CACNA1B: variants seen among roughly 807,000 people sequenced by gnomAD.
CACNA1B encodes calcium voltage-gated channel subunit alpha1 B.
Under a neutral mutation model 247.2 loss-of-function variants are expected in CACNA1B, and 70 were observed. That is an observed-to-expected ratio of 0.28 (90% CI 0.23 to 0.35). CACNA1B has a LOEUF of 0.35. Ranked by LOEUF, CACNA1B falls within the 10% of genes least tolerant of loss-of-function variation. The pLI, the probability that CACNA1B is intolerant of heterozygous loss-of-function variation, is 1.00. For synonymous variants in CACNA1B, 1,231 were observed against 1,294.4 expected, an observed-to-expected ratio of 0.95 and a Z score of 1.05; for missense variants, 2,367 against 3,197.4, an observed-to-expected ratio of 0.74 and a Z score of 6.26.
chr9:137,971,014 A>G lies in CACNA1B; in HGVS notation c.1334-369A>G, dbSNP rs1958140072. 6.6e-6 allele frequency among the ~76,000 whole-genome samples: 1 copy of G among 152,112 alleles called. No individual in the cohort carries two copies. The highest frequency in any genetic ancestry group is 2.4e-5 in the African/African-American group (1 of 41,410). On this transcript the variant is annotated intron_variant, in intron 10 of 46. Coordinates refer to ENST00000371372, the MANE Select transcript of CACNA1B (RefSeq NM_000718.4). This position sits in a 1 kb window ranked among gnomAD's most constrained non-coding sequence, Gnocchi z 4.4. ...CTGTGGGCTATGCTGAAGAGATGGG[A>G]TCTGGGGAGGGACTAACTCAGATTT...
chr9:138,085,172 G>A (rs1047423705), intron 36 of CACNA1B, among the ~76,000 whole-genome samples: 8 of 150,476 alleles, frequency 5.3e-5, no homozygotes, highest in Non-Finnish European at 1.0e-4. Flanking sequence ...CAAAGAGATA[G>A]GAATCATAAA....
At chr9:137,982,517 G>T (rs1958306253) in intron 12 of CACNA1B, among the ~76,000 whole-genome samples, 1 of 152,218 alleles carries the variant, frequency 6.6e-6, no homozygotes, top group Non-Finnish European at 1.5e-5. Flanking sequence ...TCCTTAAGGG[G>T]ATAGCATTAT....
At chr9:137,966,675 A>G (rs1958080515) in intron 10 of CACNA1B, among the ~76,000 whole-genome samples, 1 of 151,862 alleles carries the variant, frequency 6.6e-6, no homozygotes, top group Non-Finnish European at 1.5e-5. Context: ...AGTAGCTGGG[A>G]CTACAGGCAC....
chr9:138,058,596 G>A lies in CACNA1B; in HGVS notation c.4336G>A (p.Ala1446Thr), dbSNP rs200865012. The change falls in exon 29 of 47, where the codon GCC (alanine) becomes ACC (threonine). Residue 1446 changes from alanine (A) to threonine (T), a missense_variant. This residue lies in a region of CACNA1B where 436 missense variants were observed against 679.5 expected (regional missense o/e 0.64). Transcript: ENST00000371372. This position sits in a 1 kb window ranked among gnomAD's most constrained non-coding sequence, Gnocchi z 4.7. The part of the protein sequence containing the change: ...ERACIDFAIS[A>T]KPLTRYMPQN... ...GGCTTGCATTGACTTCGCCATCAGC[G>A]CCAAACCCCTGACACGGTACATGCC... 10 of 1,612,800 alleles carry A rather than the reference G, an allele frequency of 6.2e-6. No homozygotes were observed. Among genetic ancestry groups the A allele is most frequent in the Admixed American group, 1.7e-5 (1 of 59,586 alleles).
At position 138,105,681 on chromosome 9, in the gene CACNA1B, G is replaced by A. The variant is rs371663012; in HGVS notation, c.5320-18G>A. 4.0e-5 allele frequency: 58 copies of A among 1,439,460 alleles called. No homozygotes were observed. In the African/African-American group the frequency reaches 5.1e-4, roughly 13 times the overall value. 89.2% of individuals were successfully genotyped at this position (1,439,460 alleles called of 1,614,324 possible). ...GACCCCAGCAGGCCTGGCCCTGACCGGCCCTGCTTGTCCCTAGCGCCTGGT... is the reference window on the plus strand; with the variant it reads ...GACCCCAGCAGGCCTGGCCCTGACCAGCCCTGCTTGTCCCTAGCGCCTGGT... On this transcript the variant is annotated intron_variant, in intron 38 of 46. Transcript: ENST00000371372.
chr9:137,912,572 AT>A (rs1200067657), intron 3 of CACNA1B, among the ~76,000 whole-genome samples: 1 of 152,198 alleles, frequency 6.6e-6, no homozygotes, highest in Admixed American at 6.5e-5. Context: ...GAAGGCAGAT[AT>A]GGGATCTTTA....
intron 20 of CACNA1B, among the ~76,000 whole-genome samples, chr9:138,041,185 C>A (rs1478527987): frequency 6.6e-6 from 1 of 152,270 alleles, no homozygotes; most frequent in African/African-American, 2.4e-5. Context: ...TACTTTAGCC[C>A]CGCTTTGGGG....
intron 10 of CACNA1B, among the ~76,000 whole-genome samples, chr9:137,969,228 C>A (rs1055964324): frequency 1.3e-5 from 2 of 152,240 alleles, no homozygotes; most frequent in African/African-American, 4.8e-5. Context: ...CTTGCTCAGT[C>A]CCCTGGCTCT....
rs1962175114 is a variant in CACNA1B at position 138,123,621 on chromosome 9, G to C, written c.*1622G>C. ...CACAGGAGATGCAGTGCCTGTACAG[G>C]TGTGTTCAGTGTGTGGATGTCATTA... On this transcript the variant is annotated 3_prime_UTR_variant, in exon 47 of 47. Transcript: ENST00000371372. The C allele has an allele frequency of 6.6e-6, 1 of 152,052 alleles. No homozygotes were observed. Among genetic ancestry groups the C allele is most frequent in the Admixed American group, 6.6e-5 (1 of 15,250 alleles). The allele number at this position is 152,052 out of a possible 1,614,324, so 9.4% of individuals were successfully genotyped here.
At chr9:137,939,707 G>GA (rs1957709298) in intron 6 of CACNA1B, among the ~76,000 whole-genome samples, 3 of 151,940 alleles carry the variant, frequency 2.0e-5, no homozygotes, top group African/African-American at 7.3e-5. Context: ...GGAGGCTGAG[G>GA]AAGGAGAATG....
At chr9:138,005,311 A>G (rs555271994) in intron 15 of CACNA1B, among the ~76,000 whole-genome samples, 8 of 152,384 alleles carry the variant, frequency 5.2e-5, no homozygotes, top group East Asian at 1.9e-4. Flanking sequence ...TGTCATTTGC[A>G]GCAACATGGA....
At chr9:137,915,507 G>C (rs1267194754) in intron 5 of CACNA1B, among the ~76,000 whole-genome samples, 2 of 152,096 alleles carry the variant, frequency 1.3e-5, no homozygotes, top group East Asian at 3.8e-4. Flanking sequence ...TGAAGCTAAG[G>C]TTTGTGGCTT....
intron 36 of CACNA1B, among the ~76,000 whole-genome samples, chr9:138,080,360 A>T (rs768501533): frequency 6.6e-6 from 1 of 152,180 alleles, no homozygotes; most frequent in Non-Finnish European, 1.5e-5. Flanking sequence ...AAAGTAGGCG[A>T]TGTGAGCAGA....
chr9:138,044,305 A>G (rs1002720232), intron 21 of CACNA1B, among the ~76,000 whole-genome samples: 1 of 152,160 alleles, frequency 6.6e-6, no homozygotes, highest in Non-Finnish European at 1.5e-5. Context: ...TGTGCTTTTC[A>G]TGCATTCATC....
At chr9:137,907,117 TGTGA>T (rs1957308370) in intron 3 of CACNA1B, among the ~76,000 whole-genome samples, 1 of 152,220 alleles carries the variant, frequency 6.6e-6, no homozygotes, top group Non-Finnish European at 1.5e-5. Context: ...TGATGTAGCG[TGTGA>T]GTGTGTCTGT....
At position 138,076,976 on chromosome 9, in the gene CACNA1B, G is replaced by A. The variant is rs539833227; in HGVS notation, c.4949+1066G>A. On this transcript the variant is annotated intron_variant, in intron 35 of 46. Coordinates refer to ENST00000371372, the MANE Select transcript of CACNA1B (RefSeq NM_000718.4). ...TGTTTGGCTGGGCTTTAGCTGCTGC[G>A]TTAATTTTATCTCATCATTTATTAC... 2.6e-5 allele frequency among the ~76,000 whole-genome samples: 4 copies of A among 152,288 alleles called. No individual in the cohort carries two copies. The South Asian group carries it at 8.3e-4, about 32-fold the overall frequency.
chr9:137,986,753 C>T lies in CACNA1B; in HGVS notation c.1902-29C>T, dbSNP rs1958367507. On this transcript the variant is annotated intron_variant, in intron 14 of 46. Coordinates refer to ENST00000371372, the MANE Select transcript of CACNA1B (RefSeq NM_000718.4). The surrounding 1 kb of genome is among the most constrained non-coding windows in gnomAD (Gnocchi z 6.0). ...GCTGCCTCGCTGCTGACGGGACTGCCACTTCCCAAGCCTTCCTGTTTTCCT... is the reference window on the plus strand; with the variant it reads ...GCTGCCTCGCTGCTGACGGGACTGCTACTTCCCAAGCCTTCCTGTTTTCCT... 1 of 1,588,578 alleles carries T rather than the reference C, an allele frequency of 6.3e-7. No individual in the cohort carries two copies. Among genetic ancestry groups the T allele is most frequent in the South Asian group, 1.1e-5 (1 of 90,532 alleles).
Position 138,102,653 on chromosome 9 carries a change from G to T in CACNA1B, c.5223-58G>T. The T allele has an allele frequency of 1.1e-6, 1 of 916,030 alleles. No homozygotes were observed. Among genetic ancestry groups the T allele is most frequent in the Non-Finnish European group, 1.7e-6 (1 of 589,006 alleles). The allele number at this position is 916,030 out of a possible 1,614,324, so 56.7% of individuals were successfully genotyped here. On this transcript the variant is annotated intron_variant, in intron 37 of 46. Coordinates refer to ENST00000371372, the MANE Select transcript of CACNA1B (RefSeq NM_000718.4). The surrounding 1 kb of genome is among the most constrained non-coding windows in gnomAD (Gnocchi z 5.4). The stretch of plus-strand genomic sequence containing the variant: ...CTCCCCTCCCCGCTCCCCTCCTGCT[G>T]CCGCTCCTCCTGTGGACCACCCCAC...
rs1353216908 is a variant in CACNA1B, at chr9:138,049,248, T to C, written c.3643T>C (p.Phe1215Leu). ...ACTGCTGCTTCACCCTGGAGCCTAT[T>C]TCCGGGACTTGTGGAACATTCTGGA... is the stretch of plus-strand genomic sequence containing the variant. ...LGLLLHPGAY[F>L]RDLWNILDFI... Residue 1215 changes from phenylalanine (F) to leucine (L), a missense_variant, in exon 24 of 47, where the codon TTC (phenylalanine) becomes CTC (leucine). Coordinates refer to ENST00000371372, the MANE Select transcript of CACNA1B (RefSeq NM_000718.4). 1.9e-6 allele frequency: 3 copies of C among 1,613,644 alleles called. No homozygotes were observed. Among genetic ancestry groups the C allele is most frequent in the Non-Finnish European group, 2.5e-6 (3 of 1,179,608 alleles).
Sources: gnomAD v4.1 joint callset for allele counts (sites outside exome capture counted in the v4.1 genomes callset) on GRCh38, gnomAD v4.1.1 for gene constraint, gnomAD v4.1.1 regional missense constraint, Gnocchi (gnomAD v3.1) non-coding constraint, MANE v1.5 for transcripts, NCBI Gene and HGNC (gene_info 2026-07-23, HGNC 2026-07-21) for gene names.